UBASH3B: variants seen among roughly 807,000 people sequenced by gnomAD.
UBASH3B encodes the protein ubiquitin-associated and SH3 domain-containing protein B.
In UBASH3B, 37 loss-of-function variants were observed where a neutral mutation model predicts 83.4. The observed-to-expected ratio is 0.44, with a 90% CI of 0.34 to 0.58. UBASH3B has a LOEUF of 0.58. UBASH3B is among the 20% of genes least tolerant of loss of function. UBASH3B has a pLI of 0.01. For synonymous variants in UBASH3B, 304 were observed against 318.3 expected, an observed-to-expected ratio of 0.96 and a Z score of 0.48; for missense variants, 657 against 827.2, an observed-to-expected ratio of 0.79 and a Z score of 2.52.
intron 1 of UBASH3B, among the ~76,000 whole-genome samples, chr11:122,766,773 G>A (rs538666754): frequency 6.6e-6 from 1 of 152,162 alleles, no homozygotes; most frequent in Non-Finnish European, 1.5e-5. Context: ...AAATAAATAC[G>A]TAAATAAAAT....
chr11:122,704,656 C>T (rs939410997), intron 1 of UBASH3B, among the ~76,000 whole-genome samples: 20 of 151,888 alleles, frequency 1.3e-4, no homozygotes, highest in South Asian at 2.1e-4. Flanking sequence ...ACTACAGGCA[C>T]GCACCACCAT....
At chr11:122,763,283 G>T (rs1191181666) in intron 1 of UBASH3B, among the ~76,000 whole-genome samples, 1 of 152,182 alleles carries the variant, frequency 6.6e-6, no homozygotes, top group East Asian at 1.9e-4. Context: ...CCTCCCTACA[G>T]CAGAGGCCAG....
chr11:122,811,497 G>C lies in UBASH3B; in HGVS notation c.*1611G>C, dbSNP rs549032280. 1.3e-5 allele frequency: 2 copies of C among 152,204 alleles called. No homozygotes were observed. The highest frequency in any genetic ancestry group is 2.4e-5 in the African/African-American group (1 of 41,502). 9.4% of individuals were successfully genotyped at this position (152,204 alleles called of 1,614,324 possible). On this transcript the variant is annotated 3_prime_UTR_variant, in exon 14 of 14. Transcript: ENST00000284273. ...TGAGCAAAAGGATTATAGTTGTTTTGTTTTGTTTTTAGAGACAGGGTCTCA... is the reference window on the plus strand; with the variant it reads ...TGAGCAAAAGGATTATAGTTGTTTTCTTTTGTTTTTAGAGACAGGGTCTCA...
At chr11:122,727,221 C>A (rs750607377) in intron 1 of UBASH3B, among the ~76,000 whole-genome samples, 1 of 152,190 alleles carries the variant, frequency 6.6e-6, no homozygotes, top group Non-Finnish European at 1.5e-5. Context: ...TTGCAGAGTT[C>A]TTTCGTTTTT....
Position 122,789,200 on chromosome 11 carries a change from C to T in UBASH3B, c.872C>T (p.Thr291Ile). ...ATGTCTCCAATGGAGCAGACCAGCA[C>T]CAGCGAGGGTTGGATCTATGGCACG... Reference protein sequence around the residue: ...IFMSPMEQTSTSEGWIYGTSL... With the variant: ...IFMSPMEQTSISEGWIYGTSL... Residue 291 changes from threonine (T) to isoleucine (I), a missense_variant, in exon 6 of 14, where the codon ACC becomes ATC. Around this residue, in one of 3 missense-constraint regions of UBASH3B, gnomAD observed 573 missense variants for 739.0 expected, o/e 0.78. Transcript: ENST00000284273. 1 of 1,614,208 alleles carries T rather than the reference C, an allele frequency of 6.2e-7. No individual in the cohort carries two copies. The highest frequency in any genetic ancestry group is 1.1e-5 in the South Asian group (1 of 91,090).
chr11:122,721,457 T>C (rs748313594), intron 1 of UBASH3B, among the ~76,000 whole-genome samples: 18 of 152,110 alleles, frequency 1.2e-4, no homozygotes, highest in Non-Finnish European at 2.4e-4. Flanking sequence ...TGATGATATT[T>C]ACCACACCAG....
rs1167348193 is a variant in UBASH3B at position 122,804,012 on chromosome 11, T to C, written c.1596-2398T>C. ...ATTCACAGGCTCCACTTTAAGGTGC[T>C]GGGAGAAGCCATAGGCAAGAACTGA... On this transcript the variant is annotated intron_variant, in intron 11 of 13. Coordinates refer to ENST00000284273, the MANE Select transcript of UBASH3B (RefSeq NM_032873.5). Among the ~76,000 whole-genome samples, 4 of 152,156 alleles carry C rather than the reference T, an allele frequency of 2.6e-5. No homozygotes were observed. In the East Asian group the frequency reaches 7.8e-4, roughly 29 times the overall value.
At chr11:122,710,399 G>A (rs1463949346) in intron 1 of UBASH3B, among the ~76,000 whole-genome samples, 1 of 152,270 alleles carries the variant, frequency 6.6e-6, no homozygotes, top group East Asian at 1.9e-4. Flanking sequence ...CAGGCATTGT[G>A]CTGCCTTCTG....
At chr11:122,792,443 C>G (rs946189764) in intron 6 of UBASH3B, among the ~76,000 whole-genome samples, 2 of 151,844 alleles carry the variant, frequency 1.3e-5, no homozygotes, top group African/African-American at 2.4e-5. Context: ...CTCAGCCCCC[C>G]GAGTAGCCAG....
intron 1 of UBASH3B, among the ~76,000 whole-genome samples, chr11:122,687,089 G>A (rs559520790): frequency 4.6e-5 from 7 of 152,156 alleles, no homozygotes; most frequent in Non-Finnish European, 1.0e-4. Context: ...GGCTGGTCTC[G>A]AACTCCCGAC....
chr11:122,726,514 T>TA (rs1253300354), intron 1 of UBASH3B, among the ~76,000 whole-genome samples: 1 of 152,026 alleles, frequency 6.6e-6, no homozygotes, highest in African/African-American at 2.4e-5. Flanking sequence ...CATGCCCGGC[T>TA]AATTTTTGTA....
intron 1 of UBASH3B, among the ~76,000 whole-genome samples, chr11:122,724,957 A>G (rs1476077760): frequency 5.3e-5 from 8 of 151,898 alleles, no homozygotes; most frequent in Admixed American, 5.3e-4. Flanking sequence ...TTATTTATTT[A>G]TTTATTTATT....
intron 1 of UBASH3B, among the ~76,000 whole-genome samples, chr11:122,664,792 A>G (rs1863491979): frequency 1.3e-5 from 2 of 152,352 alleles, no homozygotes; most frequent in South Asian, 4.1e-4. Flanking sequence ...GCACCCTGCT[A>G]AATTCTGTGC....
At chr11:122,712,427 G>A (rs1864206631) in intron 1 of UBASH3B, among the ~76,000 whole-genome samples, 1 of 152,078 alleles carries the variant, frequency 6.6e-6, no homozygotes, top group African/African-American at 2.4e-5. Flanking sequence ...TCCTTGGTGG[G>A]GGACGCACGT....
intron 1 of UBASH3B, among the ~76,000 whole-genome samples, chr11:122,745,515 C>T (rs1040254674): frequency 6.6e-6 from 1 of 152,208 alleles, no homozygotes; most frequent in Non-Finnish European, 1.5e-5. Flanking sequence ...GAATGGATTC[C>T]GTTTCCAGCT....
At position 122,813,029 on chromosome 11, in the gene UBASH3B, TTTTTA is replaced by T. The variant is rs1861476632; in HGVS notation, c.*3149_*3153del. 6.6e-6 allele frequency: 1 copy of T among 152,648 alleles called. No individual in the cohort carries two copies. The highest frequency in any genetic ancestry group is 2.4e-5 in the African/African-American group (1 of 41,462). The allele number at this position is 152,648 out of a possible 1,614,324, so 9.5% of individuals were successfully genotyped here. On this transcript the variant is annotated 3_prime_UTR_variant, in exon 14 of 14. Transcript: ENST00000284273. Reference sequence around the variant, plus strand: ...GTGAAAGGCTTGGAGGAGTTTCTACTTTTTATTTTAATTATACTTTAACCAAAGAA... The same window carrying T: ...GTGAAAGGCTTGGAGGAGTTTCTACTTTTTAATTATACTTTAACCAAAGAA...
rs1406850517 is a variant in UBASH3B at position 122,806,311 on chromosome 11, G to A, written c.1596-99G>A. On this transcript the variant is annotated intron_variant, in intron 11 of 13. Transcript: ENST00000284273. This position sits in a 1 kb window ranked among gnomAD's most constrained non-coding sequence, Gnocchi z 4.0. ...AATGGATAAACAAACAGATCTACGG[G>A]ATCTTTAGAAATGCCTTGAAATAAA... The A allele has an allele frequency of 2.0e-6, 2 of 1,011,578 alleles. No individual in the cohort carries two copies. The highest frequency in any genetic ancestry group is 1.6e-5 in the African/African-American group (1 of 60,812). The allele number at this position is 1,011,578 out of a possible 1,614,324, so 62.7% of individuals were successfully genotyped here. A position where few individuals can be genotyped will look rare whatever the true frequency, so the allele number is the denominator to read the frequency against.
chr11:122,706,061 C>CA (rs1395473217), intron 1 of UBASH3B, among the ~76,000 whole-genome samples: 1 of 150,476 alleles, frequency 6.6e-6, no homozygotes, highest in Non-Finnish European at 1.5e-5. Flanking sequence ...AGAGAAAAGC[C>CA]AAAAAATTCC....
chr11:122,786,311 AGTGCTGGAATTACAG>A (rs1860951492), intron 5 of UBASH3B, among the ~76,000 whole-genome samples: 1 of 150,984 alleles, frequency 6.6e-6, no homozygotes, highest in African/African-American at 2.4e-5. Flanking sequence ...GGCCTCCCAA[AGTGCTGGAATTACAG>A]GTGTGAGCCA....
Sources: gnomAD v4.1 joint callset for allele counts (sites outside exome capture counted in the v4.1 genomes callset) on GRCh38, gnomAD v4.1.1 for gene constraint, gnomAD v4.1.1 regional missense constraint, Gnocchi (gnomAD v3.1) non-coding constraint, MANE v1.5 for transcripts, NCBI Gene and HGNC (gene_info 2026-07-23, HGNC 2026-07-21) for gene names.